The following PARP4 variants were observed in gnomAD, a reference collection of about 807,000 sequenced individuals.
The protein encoded by PARP4 is protein mono-ADP-ribosyltransferase PARP4.
In PARP4, 120 loss-of-function variants were observed where a neutral mutation model predicts 187.7. That is an observed-to-expected ratio of 0.64 (90% CI 0.55 to 0.74). PARP4 has a LOEUF of 0.74. Ranked by LOEUF, PARP4 falls within the 30% of genes least tolerant of loss-of-function variation. The pLI, the probability that PARP4 is intolerant of heterozygous loss-of-function variation, is 0.00. For synonymous variants in PARP4, 654 were observed against 740.9 expected, an observed-to-expected ratio of 0.88 and a Z score of 1.90; for missense variants, 1,836 against 2,070.5, an observed-to-expected ratio of 0.89 and a Z score of 2.20.
In PARP4 at chr13:24,434,980, A is replaced by G. The variant is rs139627738; in HGVS notation, c.4161T>C (p.Pro1387=). The G allele has an allele frequency of 2.8e-4, 459 of 1,613,852 alleles. No individual in the cohort carries two copies. In the African/African-American group the frequency reaches 5.7e-3, roughly 20 times the overall value. The change falls in exon 31 of 34, where the codon CCT becomes CCC. Residue 1387 remains proline, a synonymous_variant. Transcript: ENST00000381989. ...IPQSASCPTG[P]PQNPPSSPYC... is the part of the protein sequence containing the mutation. ...AGGGTGAAGAAGGTGGGTTCTGGGG[A>G]GGTCCTGTGGGACAAGACGCCGACT...
At chr13:24,432,360 A>T (rs985834977) in intron 31 of PARP4, among the ~76,000 whole-genome samples, 2 of 152,022 alleles carry the variant, frequency 1.3e-5, no homozygotes, top group African/African-American at 4.8e-5. Context: ...TTCCCTCTTT[A>T]AAAAAAACCC....
intron 12 of PARP4, among the ~76,000 whole-genome samples, chr13:24,481,430 T>C (rs574829610): frequency 6.6e-6 from 1 of 152,302 alleles, no homozygotes; most frequent in South Asian, 2.1e-4. Context: ...TGGTGGCTCA[T>C]GCCTATAATC....
intron 21 of PARP4, among the ~76,000 whole-genome samples, chr13:24,455,506 T>TATATATATATCACA (rs1555234626): frequency 2.4e-4 from 33 of 135,462 alleles, no homozygotes; most frequent in African/African-American, 6.6e-4. Context: ...TATATATATA[T>TATATATATATCACA]CACACTATTC....
intron 17 of PARP4, among the ~76,000 whole-genome samples, chr13:24,465,611 G>A (rs1452625297): frequency 6.6e-6 from 1 of 152,068 alleles, no homozygotes; most frequent in East Asian, 1.9e-4. Context: ...CATACACTGG[G>A]GCCTGTAGCG....
chr13:24,448,798 G>A (rs1046960849), intron 25 of PARP4, among the ~76,000 whole-genome samples: 3 of 152,152 alleles, frequency 2.0e-5, no homozygotes, highest in African/African-American at 7.2e-5. Flanking sequence ...AAAAAGAAGG[G>A]AAATTCTGAC....
At position 24,509,503 on chromosome 13, in the gene PARP4, C is replaced by CA. The variant is rs753520993; in HGVS notation, c.-2+3202dup. 8.7e-3 allele frequency among the ~76,000 whole-genome samples: 938 copies of CA among 107,410 alleles called. 11 individuals are homozygous for CA. Among genetic ancestry groups the CA allele is most frequent in the African/African-American group, 0.025 (706 of 28,382 alleles). 70.5% of individuals were successfully genotyped at this position (107,410 alleles called of 152,430 possible). ...GCCTGGGTGACAAGAGACCCTATCT[C>CA]AAAAAAAAAAAAAGAGAGAAAAATT... On this transcript the variant is annotated intron_variant, in intron 1 of 33. Transcript: ENST00000381989.
At chr13:24,496,859 C>G (rs1343244792) in intron 6 of PARP4, among the ~76,000 whole-genome samples, 3 of 152,210 alleles carry the variant, frequency 2.0e-5, no homozygotes, top group Non-Finnish European at 4.4e-5. Flanking sequence ...CCCGTCTCTA[C>G]TAAAAATACA....
intron 18 of PARP4, chr13:24,459,563 A>C: frequency 2.4e-6 from 1 of 411,872 alleles, no homozygotes; most frequent in East Asian, 4.1e-5. Context: ...ACACACACAC[A>C]CACATTTTAT....
chr13:24,506,385 CAGCGTGGAA>C (rs908963287), intron 1 of PARP4, among the ~76,000 whole-genome samples: 3 of 152,172 alleles, frequency 2.0e-5, no homozygotes, highest in Non-Finnish European at 4.4e-5. Flanking sequence ...AAAGCTTCCA[CAGCGTGGAA>C]GAGGACCCCA....
At chr13:24,499,506 C>A in intron 4 of PARP4, 130 bp from the exon 5 acceptor site, 1 of 708,064 alleles carries the variant, frequency 1.4e-6, no homozygotes, top group Non-Finnish European at 2.2e-6. Flanking sequence ...CATGGTAAGT[C>A]CACATGGTAA....
intron 1 of PARP4, among the ~76,000 whole-genome samples, chr13:24,506,123 T>C (rs1034643805): frequency 6.6e-6 from 1 of 152,164 alleles, no homozygotes; most frequent in African/African-American, 2.4e-5. Context: ...CTACAGTTCT[T>C]AAAGGCGGCG....
chr13:24,428,168 A>G (rs1179650654), intron 32 of PARP4, among the ~76,000 whole-genome samples: 3 of 152,256 alleles, frequency 2.0e-5, no homozygotes, highest in Non-Finnish European at 4.4e-5. Flanking sequence ...ATAGGGAGCA[A>G]TACAGTGAAA....
At chr13:24,462,000 A>T (rs1377997585) in intron 17 of PARP4, among the ~76,000 whole-genome samples, 1 of 152,180 alleles carries the variant, frequency 6.6e-6, no homozygotes, top group Non-Finnish European at 1.5e-5. Context: ...ACCATCTCCC[A>T]AACAACTCTT....
At position 24,500,543 on chromosome 13, in the gene PARP4, C is replaced by T. The variant is rs142629505; in HGVS notation, c.335-161G>A. ...CCAGTGGGAAAAGAGGAAGGTATAACCTTATAAAATAGGGAGAACATACTC... is the reference window on the plus strand; with the variant it reads ...CCAGTGGGAAAAGAGGAAGGTATAATCTTATAAAATAGGGAGAACATACTC... On this transcript the variant is annotated intron_variant, in intron 3 of 33. Coordinates refer to ENST00000381989, the MANE Select transcript of PARP4 (RefSeq NM_006437.4). 2.9e-3 allele frequency among the ~76,000 whole-genome samples: 377 copies of T among 128,362 alleles called. 3 individuals carry two copies. The highest frequency in any genetic ancestry group is 9.6e-3 in the African/African-American group (345 of 36,010). 84.2% of individuals were successfully genotyped at this position (128,362 alleles called of 152,430 possible). A position where few individuals can be genotyped will look rare whatever the true frequency, so the allele number is the denominator to read the frequency against.
chr13:24,449,312 CG>C (rs1871380903), intron 25 of PARP4, among the ~76,000 whole-genome samples: 1 of 149,824 alleles, frequency 6.7e-6, no homozygotes, highest in Admixed American at 6.7e-5. Flanking sequence ...GGCGTGAACC[CG>C]GGAGGCAGAG....
chr13:24,460,293 C>T (rs778040835), intron 17 of PARP4, among the ~76,000 whole-genome samples, 157 bp from the exon 18 acceptor site: 7 of 152,234 alleles, frequency 4.6e-5, no homozygotes, highest in South Asian at 4.1e-4. Flanking sequence ...GTGGGGCTAA[C>T]GGAGAATCCT....
intron 28 of PARP4, among the ~76,000 whole-genome samples, chr13:24,443,070 T>C (rs1362322616): frequency 6.6e-6 from 1 of 151,568 alleles, no homozygotes; most frequent in East Asian, 1.9e-4. Flanking sequence ...CAGGTGACCA[T>C]CTGTCACTAG....
At chr13:24,452,306 T>C (rs1385310969) in intron 24 of PARP4, 100 bp downstream of exon 24, 1 of 925,268 alleles carries the variant, frequency 1.1e-6, no homozygotes, top group Admixed American at 2.3e-5. Context: ...AAGGCTTCTG[T>C]ATTCTAGTGT....
chr13:24,460,881 G>T (rs753253292), intron 17 of PARP4, among the ~76,000 whole-genome samples: 4 of 151,988 alleles, frequency 2.6e-5, no homozygotes, highest in Non-Finnish European at 5.9e-5. Flanking sequence ...TGCCCAGGCT[G>T]GTCTCAAACT....
Sources: allele counts gnomAD v4.1 joint callset (sites outside exome capture counted in the v4.1 genomes callset), GRCh38; gene constraint gnomAD v4.1.1; transcripts MANE v1.5; gene names NCBI Gene and HGNC (gene_info 2026-07-23, HGNC 2026-07-21).